Variants in IFT140 observed in about 807,000 individuals in gnomAD.
IFT140 encodes intraflagellar transport protein 140 homolog.
A neutral mutation model predicts 164.6 loss-of-function variants in IFT140; 133 were observed. The observed-to-expected ratio is 0.81, with a 90% CI of 0.70 to 0.93. The LOEUF (loss-of-function observed/expected upper bound fraction) is 0.93, where lower values mean the gene tolerates loss of function less well. Ranked by LOEUF, IFT140 falls within the 40% of genes least tolerant of loss-of-function variation. The pLI is 0.00. For synonymous variants in IFT140, 860 were observed against 817.3 expected (o/e 1.05, Z -0.89); for missense variants, 2,045 against 1,972.3 (o/e 1.04, Z -0.70).
chr16:1,602,347 G>T (rs1440873581), intron 4 of IFT140, 23 bp downstream of exon 4: 2 of 1,600,882 alleles, frequency 1.2e-6, no homozygotes, highest in Admixed American at 1.7e-5. Flanking sequence ...TCTGAAAACA[G>T]CGTCTTGCGC....
intron 18 of IFT140, among the ~76,000 whole-genome samples, chr16:1,559,910 C>T (rs897855910): frequency 2.6e-5 from 4 of 152,224 alleles, no homozygotes; most frequent in African/African-American, 9.7e-5. Context: ...TCATACACGC[C>T]TGCTCTCTGG....
intron 7 of IFT140, among the ~76,000 whole-genome samples, chr16:1,589,370 C>G (rs957814620): frequency 6.6e-6 from 1 of 152,204 alleles, no homozygotes; most frequent in Non-Finnish European, 1.5e-5. Context: ...TGTCTCCCAT[C>G]AGGCCTCACA....
Position 1,584,286 on chromosome 16 carries a change from G to GCA in IFT140, c.1288_1289dup (p.Phe431AlafsTer58). The GCA allele has an allele frequency of 6.2e-7, 1 of 1,613,904 alleles. No homozygotes were observed. The highest frequency in any genetic ancestry group is 8.5e-7 in the Non-Finnish European group (1 of 1,180,028). ...TGTGTGCGACCCCCGTGGACAGGAAGCACACATTCAGCAGACTCGGGGAGA... is the reference window on the plus strand; with the variant it reads ...TGTGTGCGACCCCCGTGGACAGGAAGCACACACATTCAGCAGACTCGGGGAGA... On this transcript the variant is annotated frameshift_variant, in exon 11 of 31. Coordinates refer to ENST00000426508, the MANE Select transcript of IFT140 (RefSeq NM_014714.4). LOFTEE classifies it high-confidence loss of function.
At chr16:1,576,446 G>T (rs2034280764) in intron 13 of IFT140, among the ~76,000 whole-genome samples, 1 of 151,356 alleles carries the variant, frequency 6.6e-6, no homozygotes, top group South Asian at 2.1e-4. Flanking sequence ...AAAAAAAATA[G>T]CTGGGCGTGG....
At chr16:1,575,777 C>T (rs1055303843) in intron 13 of IFT140, among the ~76,000 whole-genome samples, 5 of 151,382 alleles carry the variant, frequency 3.3e-5, no homozygotes, top group African/African-American at 1.2e-4. Context: ...ACCACTGACC[C>T]TCTCCTAGCA....
intron 14 of IFT140, 62 bp from the exon 15 acceptor site, chr16:1,568,396 C>A: frequency 1.5e-6 from 2 of 1,316,252 alleles, no homozygotes; most frequent in South Asian, 1.2e-5. Context: ...TCTCCGCCCA[C>A]CCTGAAACCT....
chr16:1,513,736 C>CAT (rs2040249539), intron 30 of IFT140, among the ~76,000 whole-genome samples: 2 of 150,068 alleles, frequency 1.3e-5, no homozygotes, highest in African/African-American at 2.4e-5. Context: ...TGCAGTGGTG[C>CAT]GATCTCTGCT....
At chr16:1,581,738 G>A (rs1477649824) in intron 12 of IFT140, among the ~76,000 whole-genome samples, 4 of 114,480 alleles carry the variant, frequency 3.5e-5, no homozygotes, top group African/African-American at 1.4e-4. Flanking sequence ...GGGGAGGAGC[G>A]GGGGAGGGGA....
At position 1,519,881 on chromosome 16, in the gene IFT140, C is replaced by A; in HGVS notation, c.4040G>T (p.Arg1347Met). The change falls in exon 29 of 31, where the codon AGG becomes ATG. Residue 1347 changes from arginine (R) to methionine (M), a missense_variant and splice_region_variant. By Grantham distance (91) the Arg-to-Met change is moderately conservative. Coordinates refer to ENST00000426508, the MANE Select transcript of IFT140 (RefSeq NM_014714.4). ...GTCCCCGCTGGCCCCGGGGGCACAC[C>A]TGCGGGCCTGGATGAACCTCTTCAC... ...ALVKRFIQAR[R>M]TYTEDPKESI... The A allele has an allele frequency of 1.3e-6, 2 of 1,537,170 alleles. No individual in the cohort carries two copies. The highest frequency in any genetic ancestry group is 1.7e-6 in the Non-Finnish European group (2 of 1,144,448).
intron 30 of IFT140, among the ~76,000 whole-genome samples, chr16:1,516,704 A>G (rs1299063546): frequency 6.8e-6 from 1 of 147,334 alleles, no homozygotes; most frequent in African/African-American, 2.5e-5. Context: ...CGGGAGGCAG[A>G]GCTTGCAGTG....
intron 20 of IFT140, 150 bp from the exon 21 acceptor site, chr16:1,526,227 A>G (rs2040690750): frequency 4.0e-6 from 3 of 748,446 alleles, no homozygotes; most frequent in Non-Finnish European, 4.3e-6. Flanking sequence ...CAAACGCCAC[A>G]CACCCACGGG....
At chr16:1,539,590 AG>A (rs2031425522) in intron 19 of IFT140, among the ~76,000 whole-genome samples, 2 of 152,248 alleles carry the variant, frequency 1.3e-5, no homozygotes, top group Non-Finnish European at 2.9e-5. Flanking sequence ...TTCCTTCTTT[AG>A]AGAGAACCTC....
rs922819138 is a variant in IFT140 at position 1,530,133 on chromosome 16, C to CTTTTTTTTTTTTTTTTTTTTTTTT, written c.2400-3361_2400-3338dup. 1.9e-4 allele frequency among the ~76,000 whole-genome samples: 17 copies of CTTTTTTTTTTTTTTTTTTTTTTTT among 88,586 alleles called. 1 individual carries two copies. Among genetic ancestry groups the CTTTTTTTTTTTTTTTTTTTTTTTT allele is most frequent in the African/African-American group, 4.9e-4 (9 of 18,456 alleles). The allele number at this position is 88,586 out of a possible 152,430, so 58.1% of individuals were successfully genotyped here. A position where few individuals can be genotyped will look rare whatever the true frequency, so the allele number is the denominator to read the frequency against. ...TCCCAAAAGACTTCACGACGGGAAT[C>CTTTTTTTTTTTTTTTTTTTTTTTT]TTTTTTTTTTTTTTTTTTTTTTTTG... is the stretch of plus-strand genomic sequence containing the variant. On this transcript the variant is annotated intron_variant, in intron 19 of 30. Transcript: ENST00000426508.
Position 1,583,394 on chromosome 16 carries a change from G to C in IFT140, c.1360-8C>G. Reference sequence around the variant, plus strand: ...CCAGACTGCGACAGCATCCTGAAAAGAACCACGGACATTCGAGGCAAAGGG... The same window carrying C: ...CCAGACTGCGACAGCATCCTGAAAACAACCACGGACATTCGAGGCAAAGGG... On this transcript the variant is annotated splice_polypyrimidine_tract_variant and splice_region_variant and intron_variant, in intron 11 of 30. Coordinates refer to ENST00000426508, the MANE Select transcript of IFT140 (RefSeq NM_014714.4). 1.2e-6 allele frequency: 2 copies of C among 1,613,862 alleles called. No homozygotes were observed. Among genetic ancestry groups the C allele is most frequent in the East Asian group, 4.5e-5 (2 of 44,868 alleles).
At chr16:1,565,347 G>A (rs2033653140) in intron 16 of IFT140, among the ~76,000 whole-genome samples, 1 of 152,008 alleles carries the variant, frequency 6.6e-6, no homozygotes, top group African/African-American at 2.4e-5. Context: ...TGAAGATGGA[G>A]AGTTCCACAG....
chr16:1,538,752 G>A (rs534196870), intron 19 of IFT140, among the ~76,000 whole-genome samples: 6 of 152,294 alleles, frequency 3.9e-5, no homozygotes, highest in Admixed American at 3.9e-4. Flanking sequence ...GCTCACACAC[G>A]TCCCTAATGT....
intron 18 of IFT140, among the ~76,000 whole-genome samples, chr16:1,558,631 C>T (rs1300735599): frequency 6.6e-6 from 1 of 152,200 alleles, no homozygotes; most frequent in East Asian, 1.9e-4. Flanking sequence ...GAAATCGGTG[C>T]TCCCGAGGGA....
chr16:1,584,258 G>A lies in IFT140; in HGVS notation c.1318C>T (p.Leu440=). The A allele has an allele frequency of 1.2e-6, 2 of 1,613,752 alleles. No individual in the cohort carries two copies. Among genetic ancestry groups the A allele is most frequent in the South Asian group, 2.2e-5 (2 of 91,076 alleles). ...CFLSTGVAHS[L]RTDMHISGVF... is the part of the protein sequence containing the mutation. ...CCACTGATGTGCATGTCGGTGCGCA[G>A]GCTGTGTGCGACCCCCGTGGACAGG... Residue 440 remains leucine, a synonymous_variant, in exon 11 of 31, where the codon CTG becomes TTG. Coordinates refer to ENST00000426508, the MANE Select transcript of IFT140 (RefSeq NM_014714.4).
intron 13 of IFT140, among the ~76,000 whole-genome samples, chr16:1,575,012 C>T (rs2034203838): frequency 6.6e-6 from 1 of 152,130 alleles, no homozygotes; most frequent in South Asian, 2.1e-4. Context: ...ACTAACCCAC[C>T]CTTACTCACG....
Sources: allele counts gnomAD v4.1 joint callset (sites outside exome capture counted in the v4.1 genomes callset), GRCh38; gene constraint gnomAD v4.1.1; transcripts MANE v1.5; gene names NCBI Gene and HGNC (gene_info 2026-07-23, HGNC 2026-07-21).